Variants in ITGA6 observed in about 807,000 individuals in gnomAD.
The protein encoded by ITGA6 is integrin alpha-6.
Under a neutral mutation model 133.6 loss-of-function variants are expected in ITGA6, and 63 were observed. That is an observed-to-expected ratio of 0.47 (90% CI 0.38 to 0.58). ITGA6 has a LOEUF of 0.58. Ranked by LOEUF, ITGA6 falls within the 20% of genes least tolerant of loss-of-function variation. ITGA6 has a pLI of 0.00. For synonymous variants in ITGA6, 434 were observed against 482.0 expected, an observed-to-expected ratio of 0.90 and a Z score of 1.30; for missense variants, 1,068 against 1,309.4, an observed-to-expected ratio of 0.82 and a Z score of 2.85.
intron 11 of ITGA6, 32 bp from the exon 12 acceptor site, chr2:172,484,750 A>T: frequency 6.3e-7 from 1 of 1,591,802 alleles, no homozygotes; most frequent in Non-Finnish European, 8.6e-7. Context: ...GCATGAATGC[A>T]CTTACGTTAA....
At chr2:172,482,201 ATT>A (rs1559145163) in intron 11 of ITGA6, among the ~76,000 whole-genome samples, 2 of 152,206 alleles carry the variant, frequency 1.3e-5, no homozygotes, top group Non-Finnish European at 1.5e-5. Flanking sequence ...TAGCTACTCC[ATT>A]AACCAAGTGT....
intron 1 of ITGA6, among the ~76,000 whole-genome samples, chr2:172,435,883 C>A (rs1684302271): frequency 1.3e-5 from 2 of 151,960 alleles, no homozygotes; most frequent in East Asian, 1.9e-4. Context: ...CCTGGCTTGG[C>A]CTCCCAAAGT....
intron 1 of ITGA6, among the ~76,000 whole-genome samples, chr2:172,445,354 CAAAAAA>C (rs1027666620): frequency 9.5e-6 from 1 of 104,816 alleles, no homozygotes; most frequent in Non-Finnish European, 2.0e-5. Context: ...TTTTTTTTAA[CAAAAAA>C]AAAAAAAGGC....
intron 1 of ITGA6, among the ~76,000 whole-genome samples, chr2:172,458,087 T>C (rs189213773): frequency 1.2e-3 from 176 of 152,206 alleles, no homozygotes; most frequent in Non-Finnish European, 2.0e-3. Flanking sequence ...CATCGTTCCC[T>C]ACCTCTGTCT....
Position 172,504,110 on chromosome 2 carries a change from C to G in ITGA6, c.*42C>G. ...CTCTAGTGTGGATTCTTTAAACGCT[C>G]TAGGTACGATGACAGTGTTCCCCGA... On this transcript the variant is annotated 3_prime_UTR_variant, in exon 26 of 26. Coordinates refer to ENST00000684293, the MANE Select transcript of ITGA6 (RefSeq NM_000210.4). 1 of 1,595,836 alleles carries G rather than the reference C, an allele frequency of 6.3e-7. No homozygotes were observed. Among genetic ancestry groups the G allele is most frequent in the Non-Finnish European group, 8.5e-7 (1 of 1,171,206 alleles).
intron 12 of ITGA6, 41 bp from the exon 13 acceptor site, chr2:172,485,080 T>C: frequency 1.2e-6 from 2 of 1,610,804 alleles, no homozygotes; most frequent in Admixed American, 1.7e-5. Flanking sequence ...CCCAATAGCA[T>C]GTACACCCCA....
At chr2:172,429,287 C>T (rs72888197) in intron 1 of ITGA6, among the ~76,000 whole-genome samples, 10,401 of 152,010 alleles carry the variant, frequency 0.068, 510 homozygotes, top group Admixed American at 0.12. Context: ...TGCTTATACT[C>T]TGCTTTCTCT....
chr2:172,430,518 A>G (rs1424069813), intron 1 of ITGA6, among the ~76,000 whole-genome samples: 1 of 152,262 alleles, frequency 6.6e-6, no homozygotes, highest in Non-Finnish European at 1.5e-5. Context: ...AAAATATCAG[A>G]TGCATGGGAC....
At chr2:172,456,280 G>A (rs1313180200) in intron 1 of ITGA6, among the ~76,000 whole-genome samples, 11 of 152,234 alleles carry the variant, frequency 7.2e-5, no homozygotes, top group Non-Finnish European at 1.6e-4. Context: ...TCCTGATCAC[G>A]TGGAGACTGG....
rs1683924617 is a variant in ITGA6, at chr2:172,427,950, G to A, written c.162G>A (p.Leu54=). 2 of 1,605,230 alleles carry A rather than the reference G, an allele frequency of 1.2e-6. No individual in the cohort carries two copies. Among genetic ancestry groups the A allele is most frequent in the East Asian group, 4.5e-5 (2 of 43,976 alleles). Residue 54 remains leucine, a synonymous_variant, in exon 1 of 26, where the codon CTG becomes CTA. Transcript: ENST00000684293. The part of the protein sequence containing the change: ...FGFSLAMHWQ[L]QPEDKRLLLV... ...TCTCGCTGGCCATGCACTGGCAACTGCAGCCCGAGGACAAGCGGCTGTGAG... is the reference window on the plus strand; with the variant it reads ...TCTCGCTGGCCATGCACTGGCAACTACAGCCCGAGGACAAGCGGCTGTGAG...
chr2:172,479,685 C>A lies in ITGA6; in HGVS notation c.1433C>A (p.Pro478His), dbSNP rs1686344328. Residue 478 changes from proline to histidine, a missense_variant, in exon 10 of 26, where the codon CCT becomes CAT. Physicochemically the swap from Pro to His is moderately conservative, Grantham distance 77 (BLOSUM62 -2). Transcript: ENST00000684293. ...INIQKTITVT[P>H]NRIDLRQKTA... ...ATTCAGAAAACCATCACAGTAACTC[C>A]TAACAGAATTGACCTCCGCCAGAAA... is the stretch of plus-strand genomic sequence containing the variant. The A allele has an allele frequency of 6.2e-7, 1 of 1,613,964 alleles. No homozygotes were observed. The highest frequency in any genetic ancestry group is 8.5e-7 in the Non-Finnish European group (1 of 1,179,992).
intron 1 of ITGA6, 142 bp from the exon 2 acceptor site, chr2:172,465,397 G>A (rs1352219701): frequency 4.0e-6 from 4 of 990,362 alleles, no homozygotes; most frequent in Non-Finnish European, 6.3e-6. Flanking sequence ...CTCTACATTT[G>A]TTCTCACTCA....
intron 1 of ITGA6, among the ~76,000 whole-genome samples, chr2:172,432,912 T>G (rs2148992467): frequency 6.6e-6 from 1 of 152,280 alleles, no homozygotes; most frequent in Non-Finnish European, 1.5e-5. Flanking sequence ...ACGTGTGAAG[T>G]CACTTGTGAA....
chr2:172,499,802 A>G (rs1687276727), intron 24 of ITGA6, among the ~76,000 whole-genome samples: 1 of 152,222 alleles, frequency 6.6e-6, no homozygotes, highest in Non-Finnish European at 1.5e-5. Context: ...CAGTGGATTT[A>G]AAGTTAGAAA....
At position 172,446,042 on chromosome 2, in the gene ITGA6, C is replaced by A. The variant is rs576321510; in HGVS notation, c.182+18072C>A. Among the ~76,000 whole-genome samples, 5 of 152,362 alleles carry A rather than the reference C, an allele frequency of 3.3e-5. No individual in the cohort carries two copies. The South Asian group carries it at 1.0e-3, about 32-fold the overall frequency. On this transcript the variant is annotated intron_variant, in intron 1 of 25. Transcript: ENST00000684293. Reference sequence around the variant, plus strand: ...GTGGCCTTATGCCCAGCTAAAAAGTCTTTTACTATGGGAAAGAGGAGAACT... The same window carrying A: ...GTGGCCTTATGCCCAGCTAAAAAGTATTTTACTATGGGAAAGAGGAGAACT...
intron 1 of ITGA6, among the ~76,000 whole-genome samples, chr2:172,434,787 C>G (rs1458751954): frequency 6.6e-6 from 1 of 151,978 alleles, no homozygotes; most frequent in Non-Finnish European, 1.5e-5. Context: ...TTTGAAAAGC[C>G]ATTTCAGATA....
chr2:172,462,518 G>A (rs568970564), intron 1 of ITGA6, among the ~76,000 whole-genome samples: 12 of 152,308 alleles, frequency 7.9e-5, no homozygotes, highest in African/African-American at 1.4e-4. Context: ...TGCAGTAGCC[G>A]CCGCATGTAA....
rs182728618 is a variant in ITGA6 at position 172,439,944 on chromosome 2, A to C, written c.182+11974A>C. Among the ~76,000 whole-genome samples the C allele has an allele frequency of 9.4e-4, 143 of 152,308 alleles. No individual in the cohort carries two copies. In the South Asian group the frequency reaches 0.011, roughly 12 times the overall value. On this transcript the variant is annotated intron_variant, in intron 1 of 25. Coordinates refer to ENST00000684293, the MANE Select transcript of ITGA6 (RefSeq NM_000210.4). ...TATCTTGGGTTTTTAAATGTCCCCTACATAGTGGGCTGGGAGAGATAGAAA... is the reference window on the plus strand; with the variant it reads ...TATCTTGGGTTTTTAAATGTCCCCTCCATAGTGGGCTGGGAGAGATAGAAA...
At chr2:172,489,886 G>T in intron 20 of ITGA6, 1 of 487,604 alleles carries the variant, frequency 2.1e-6, no homozygotes, top group Non-Finnish European at 3.7e-6. Context: ...AGTGCTTGCT[G>T]AGGCAAATGG....
Sources: allele counts gnomAD v4.1 joint callset (sites outside exome capture counted in the v4.1 genomes callset), GRCh38; gene constraint gnomAD v4.1.1; transcripts MANE v1.5; gene names NCBI Gene and HGNC (gene_info 2026-07-23, HGNC 2026-07-21).